The following PROM2 variants were observed in gnomAD, a reference collection of about 807,000 sequenced individuals.
The protein encoded by PROM2 is prominin-2.
PROM2 carries 90 observed loss-of-function variants against 110.2 expected under a neutral mutation model. The observed-to-expected ratio is 0.82, with a 90% CI of 0.69 to 0.97. PROM2 has a LOEUF of 0.97. Among genes scored for constraint, PROM2 ranks in the 50% least tolerant of loss-of-function variants. The pLI is 0.00. For missense variants in PROM2, 1,009 were observed against 1,074.8 expected, an observed-to-expected ratio of 0.94 and a Z score of 0.86; for synonymous variants, 470 against 467.8, an observed-to-expected ratio of 1.00 and a Z score of -0.06.
chr2:95,279,830 T>C lies in PROM2; in HGVS notation c.1275-15T>C. ...ACCTCCTTTCTTAGTGACACCCATGTCCTCTCTGTGGCAGGTGGATCGTGG... is the reference window on the plus strand; with the variant it reads ...ACCTCCTTTCTTAGTGACACCCATGCCCTCTCTGTGGCAGGTGGATCGTGG... On this transcript the variant is annotated splice_polypyrimidine_tract_variant and intron_variant, in intron 10 of 23. Coordinates refer to ENST00000317620, the MANE Select transcript of PROM2 (RefSeq NM_001165978.3). 1 of 1,435,896 alleles carries C rather than the reference T, an allele frequency of 7.0e-7. No individual in the cohort carries two copies. The highest frequency in any genetic ancestry group is 9.2e-7 in the Non-Finnish European group (1 of 1,085,214). 88.9% of individuals were successfully genotyped at this position (1,435,896 alleles called of 1,614,324 possible).
In PROM2 at chr2:95,276,374, T is replaced by C. The variant is rs753725815; in HGVS notation, c.618+27T>C. On this transcript the variant is annotated intron_variant, in intron 4 of 23. Transcript: ENST00000317620. This position sits in a 1 kb window ranked among gnomAD's most constrained non-coding sequence, Gnocchi z 4.6. Reference sequence around the variant, plus strand: ...TGAGCACTGTTACCCCTCACCCTCATGTGCCCCTGTGAGCACTGGGCCCGG... The same window carrying C: ...TGAGCACTGTTACCCCTCACCCTCACGTGCCCCTGTGAGCACTGGGCCCGG... 6.2e-7 allele frequency: 1 copy of C among 1,610,344 alleles called. No individual in the cohort carries two copies.
chr2:95,282,745 A>G (rs1357442561), intron 14 of PROM2, among the ~76,000 whole-genome samples: 1 of 151,878 alleles, frequency 6.6e-6, no homozygotes, highest in Non-Finnish European at 1.5e-5. Context: ...ACACTTGCCA[A>G]TGCTGGAAAG....
In PROM2 at chr2:95,280,016, A is replaced by C. The variant is rs376997602; in HGVS notation, c.1427+19A>C. ...TCATGGCGTAAGAAAGGGCTGGGAG[A>C]GGGGAAGGGTCCCCTCTTATAGGGC... is the stretch of plus-strand genomic sequence containing the variant. On this transcript the variant is annotated intron_variant, in intron 11 of 23. Transcript: ENST00000317620. 1 of 1,404,442 alleles carries C rather than the reference A, an allele frequency of 7.1e-7. No individual in the cohort carries two copies. Among genetic ancestry groups the C allele is most frequent in the Non-Finnish European group, 9.3e-7 (1 of 1,074,130 alleles). The allele number at this position is 1,404,442 out of a possible 1,614,324, so 87.0% of individuals were successfully genotyped here.
intron 22 of PROM2, 89 bp downstream of exon 22, chr2:95,288,678 G>T (rs1260470750): frequency 8.6e-7 from 1 of 1,156,246 alleles, no homozygotes; most frequent in African/African-American, 1.5e-5. Flanking sequence ...CCCCTCCTGA[G>T]ACCTCCCAGG....
intron 17 of PROM2, 23 bp downstream of exon 17, chr2:95,286,594 C>G (rs1296523384): frequency 6.3e-7 from 1 of 1,598,652 alleles, no homozygotes; most frequent in Non-Finnish European, 8.6e-7. Flanking sequence ...GCCCGGGGAG[C>G]CTGGGGCCTG....
At chr2:95,287,490 C>T in intron 20 of PROM2, 26 bp downstream of exon 20, 1 of 1,606,858 alleles carries the variant, frequency 6.2e-7, no homozygotes, top group African/African-American at 1.3e-5. Flanking sequence ...GAAGCAATGA[C>T]TGATTCCCTG....
rs1453944445 is a variant in PROM2, at chr2:95,279,050, T to C, written c.1180T>C (p.Leu394=). ...VRTLAEGFPG[L]EAASRWAQAL... ...GACACTGGCTGAAGGGTTCCCGGGC[T>C]TGGAGGCAGCTTCCCGCTGGGCCCA... is the stretch of plus-strand genomic sequence containing the variant. The change falls in exon 10 of 24, where the codon TTG becomes CTG. Residue 394 remains leucine (L), a synonymous_variant. Transcript: ENST00000317620. The C allele has an allele frequency of 6.2e-7, 1 of 1,613,036 alleles. No individual in the cohort carries two copies. The highest frequency in any genetic ancestry group is 8.5e-7 in the Non-Finnish European group (1 of 1,179,722).
Position 95,279,045 on chromosome 2 carries a change from C to T in PROM2, c.1175C>T (p.Pro392Leu), listed in dbSNP as rs763311478. The change falls in exon 10 of 24, where the codon CCG becomes CTG. Residue 392 changes from proline (P) to leucine (L), a missense_variant. Transcript: ENST00000317620. ...GTGAGGACACTGGCTGAAGGGTTCC[C>T]GGGCTTGGAGGCAGCTTCCCGCTGG... ...EGVRTLAEGF[P>L]GLEAASRWAQ... The T allele has an allele frequency of 3.8e-5, 61 of 1,612,818 alleles. No homozygotes were observed. Among genetic ancestry groups the T allele is most frequent in the South Asian group, 1.8e-4 (16 of 90,928 alleles).
In PROM2 at chr2:95,278,467, G is replaced by A. The variant is rs115610809; in HGVS notation, c.1051-254G>A. ...CAGGAGCTAGACCTGGCAGTTGTGTGGAGGGCGGCTGAGAGTTCACTGCAA... is the reference window on the plus strand; with the variant it reads ...CAGGAGCTAGACCTGGCAGTTGTGTAGAGGGCGGCTGAGAGTTCACTGCAA... On this transcript the variant is annotated intron_variant, in intron 8 of 23. Transcript: ENST00000317620. 5.2e-3 allele frequency: 3,059 copies of A among 587,170 alleles called. 22 individuals carry two copies. The highest frequency in any genetic ancestry group is 7.8e-3 in the Non-Finnish European group (2,557 of 326,736). 36.4% of individuals were successfully genotyped at this position (587,170 alleles called of 1,614,324 possible).
At chr2:95,286,971 T>C (rs1187987690) in intron 18 of PROM2, 114 bp downstream of exon 18, 1 of 1,370,370 alleles carries the variant, frequency 7.3e-7, no homozygotes, top group Non-Finnish European at 1.0e-6. Flanking sequence ...GCAGGTGGGG[T>C]TGGGAGGAAG....
chr2:95,280,802 C>T (rs756564363), intron 11 of PROM2, among the ~76,000 whole-genome samples: 1 of 152,082 alleles, frequency 6.6e-6, no homozygotes, highest in Non-Finnish European at 1.5e-5. Context: ...GTGCCACCAC[C>T]CCCAGCTAAT....
At position 95,288,574 on chromosome 2, in the gene PROM2, T is replaced by C. The variant is rs1573465669; in HGVS notation, c.2426T>C (p.Ile809Thr). The C allele has an allele frequency of 1.2e-6, 2 of 1,613,982 alleles. No homozygotes were observed. ...AVKTSKYFRP[I>T]RKRLSSTSSE... is the part of the protein sequence containing the mutation. ...AAGACCTCCAAATACTTCCGTCCTATCCGGAAACGCCTCAGGTGAGGGGCT... is the reference window on the plus strand; with the variant it reads ...AAGACCTCCAAATACTTCCGTCCTACCCGGAAACGCCTCAGGTGAGGGGCT... Residue 809 changes from isoleucine to threonine, a missense_variant, in exon 22 of 24, where the codon ATC becomes ACC. By Grantham distance (89) the Ile-to-Thr change is moderately conservative (BLOSUM62 -1). Transcript: ENST00000317620.
chr2:95,277,265 T>C (rs1676725543), intron 6 of PROM2, 99 bp from the exon 7 acceptor site: 20 of 1,343,798 alleles, frequency 1.5e-5, no homozygotes, highest in Non-Finnish European at 2.1e-5. Flanking sequence ...GTCAATGATT[T>C]GCAGGTCCCT....
At position 95,276,444 on chromosome 2, in the gene PROM2, A is replaced by G; in HGVS notation, c.618+97A>G. 1 of 1,592,774 alleles carries G rather than the reference A, an allele frequency of 6.3e-7. No individual in the cohort carries two copies. The highest frequency in any genetic ancestry group is 1.7e-4 in the Middle Eastern group (1 of 5,952). ...GCCCTCGATGGCCCATAACCAGCGC[A>G]TCTGAAAGCCGCCTCCTCTCCCGCC... On this transcript the variant is annotated intron_variant, in intron 4 of 23. Transcript: ENST00000317620. The surrounding 1 kb of genome is among the most constrained non-coding windows in gnomAD (Gnocchi z 4.6).
chr2:95,284,298 C>A (rs1419680375), intron 14 of PROM2, among the ~76,000 whole-genome samples: 1 of 152,146 alleles, frequency 6.6e-6, no homozygotes, highest in Non-Finnish European at 1.5e-5. Context: ...AGTTCAAGAA[C>A]AGCCTGGGCA....
At position 95,290,025 on chromosome 2, in the gene PROM2, T is replaced by C. The variant is rs1677609253; in HGVS notation, c.*812T>C. On this transcript the variant is annotated 3_prime_UTR_variant, in exon 24 of 24. Transcript: ENST00000317620. ...GGGGTACCAGCACTTAGCTTCTCTC[T>C]GAGTGCTGGCTCCCAAGGAAGGGAC... The C allele has an allele frequency of 6.6e-6, 1 of 152,300 alleles. No individual in the cohort carries two copies. The highest frequency in any genetic ancestry group is 1.5e-5 in the Non-Finnish European group (1 of 68,094). 9.4% of individuals were successfully genotyped at this position (152,300 alleles called of 1,614,324 possible). A position where few individuals can be genotyped will look rare whatever the true frequency, so the allele number is the denominator to read the frequency against.
chr2:95,281,838 ACAG>A (rs1677065804), intron 12 of PROM2, 84 bp from the exon 13 acceptor site: 18 of 909,350 alleles, frequency 2.0e-5, no homozygotes, highest in Non-Finnish European at 3.3e-5. Flanking sequence ...GTGCTGTGCC[ACAG>A]CAGCACAGGG....
rs1677430134 is a variant in PROM2 at position 95,287,411 on chromosome 2, C to T, written c.2191C>T (p.Leu731=). The T allele has an allele frequency of 6.2e-7, 1 of 1,614,092 alleles. No homozygotes were observed. Among genetic ancestry groups the T allele is most frequent in the East Asian group, 2.2e-5 (1 of 44,876 alleles). Reference sequence around the variant, plus strand: ...CTTCCTGCAGGTGAGTGAGTGTTTCCTGGCCCGGGAGATGGGCTACTTCTC... The same window carrying T: ...CTTCCTGCAGGTGAGTGAGTGTTTCTTGGCCCGGGAGATGGGCTACTTCTC... ...RILRNVSECF[L]AREMGYFSQY... is the part of the protein sequence containing the mutation. The change falls in exon 20 of 24, where the codon CTG becomes TTG. Residue 731 remains leucine (L), a synonymous_variant. Coordinates refer to ENST00000317620, the MANE Select transcript of PROM2 (RefSeq NM_001165978.3).
At chr2:95,283,775 A>T (rs1402929518) in intron 14 of PROM2, among the ~76,000 whole-genome samples, 3 of 141,990 alleles carry the variant, frequency 2.1e-5, no homozygotes, top group Admixed American at 6.9e-5. Flanking sequence ...ATACAGTTTC[A>T]TTCATTCATT....
Sources: gnomAD v4.1 joint callset for allele counts (sites outside exome capture counted in the v4.1 genomes callset) on GRCh38, gnomAD v4.1.1 for gene constraint, Gnocchi (gnomAD v3.1) non-coding constraint, MANE v1.5 for transcripts, NCBI Gene and HGNC (gene_info 2026-07-23, HGNC 2026-07-21) for gene names.